The following CENPI variants were observed in gnomAD, a reference collection of about 807,000 sequenced individuals.
The protein encoded by CENPI is FSH primary response 1.
A neutral mutation model predicts 60.4 loss-of-function variants in CENPI; 4 were observed. The observed-to-expected ratio is 0.07, with a 90% confidence interval of 0.03 to 0.15. The LOEUF is 0.15. Ranked by LOEUF, CENPI falls within the 10% of genes least tolerant of loss-of-function variation. The pLI is 1.00. For synonymous variants in CENPI, 157 were observed against 189.4 expected (o/e 0.83, Z 1.40); for missense variants, 444 against 534.5 (o/e 0.83, Z 1.67).
chrX:101,148,136 G>A lies in CENPI; in HGVS notation c.2069G>A (p.Ser690Asn). Residue 690 changes from serine (S) to asparagine (N), a missense_variant, in exon 20 of 22, where the codon AGT becomes AAT. Transcript: ENST00000682095. ...LNVVHHPSFLSYAVSFLLQES... is the reference protein window; with the variant it reads ...LNVVHHPSFLNYAVSFLLQES... ...GTAGTCCATCATCCTTCTTTCTTGA[G>A]TTACGCTGTTTCCTTTTTGCTACAG... 1 of 1,196,085 alleles carries A rather than the reference G, an allele frequency of 8.4e-7. No homozygotes were observed.
intron 16 of CENPI, chrX:101,141,443 G>A (rs2089914156): frequency 9.0e-6 from 1 of 111,082 alleles, no homozygotes; most frequent in Non-Finnish European, 1.9e-5. Flanking sequence ...AGCTTCAAAT[G>A]ATTCTTCTGC....
rs948116234 is a variant in CENPI at position 101,107,203 on chromosome X, A to G, written c.365-2270A>G. 2.4e-4 allele frequency among the ~76,000 whole-genome samples: 26 copies of G among 110,521 alleles called. 1 individual carries two copies. The highest frequency in any genetic ancestry group is 8.5e-4 in the African/African-American group (26 of 30,436). On this transcript the variant is annotated intron_variant, in intron 4 of 21. Coordinates refer to ENST00000682095, the MANE Select transcript of CENPI (RefSeq NM_001386188.2). Reference sequence around the variant, plus strand: ...CTGGTTCACATTCTCTCATGAACAAATACATTCTTAAATGTAACACCTCAT... The same window carrying G: ...CTGGTTCACATTCTCTCATGAACAAGTACATTCTTAAATGTAACACCTCAT...
chrX:101,114,505 C>T (rs2089594783), intron 6 of CENPI, among the ~76,000 whole-genome samples: 1 of 112,094 alleles, frequency 8.9e-6, no homozygotes, highest in African/African-American at 3.2e-5. Flanking sequence ...AACCCCTAAT[C>T]TAATTTTCTG....
At chrX:101,128,068 C>T (rs1256493497) in intron 11 of CENPI, among the ~76,000 whole-genome samples, 1 of 111,231 alleles carries the variant, frequency 9.0e-6, no homozygotes, top group Non-Finnish European at 1.9e-5. Context: ...GGCGCGGTGG[C>T]TCACACTTGT....
intron 16 of CENPI, among the ~76,000 whole-genome samples, chrX:101,143,475 A>G (rs1042279041): frequency 1.8e-5 from 2 of 111,819 alleles, no homozygotes; most frequent in Non-Finnish European, 3.8e-5. Context: ...AGATGCCAAA[A>G]ATTTTGCTAA....
intron 13 of CENPI, among the ~76,000 whole-genome samples, chrX:101,130,587 G>A (rs1410510516): frequency 1.8e-5 from 2 of 112,528 alleles, no homozygotes; most frequent in Non-Finnish European, 3.7e-5. Context: ...GCAAATAAAA[G>A]GGAAAAGCCT....
At position 101,163,080 on chromosome X, in the gene CENPI, A is replaced by C; in HGVS notation, c.*113A>C. The C allele has an allele frequency of 1.3e-6, 1 of 783,774 alleles. No homozygotes were observed. The highest frequency in any genetic ancestry group is 1.9e-6 in the Non-Finnish European group (1 of 533,068). The allele number at this position is 783,774 out of a possible 1,213,427, so 64.6% of individuals were successfully genotyped here. A position where few individuals can be genotyped will look rare whatever the true frequency, so the allele number is the denominator to read the frequency against. On this transcript the variant is annotated 3_prime_UTR_variant, in exon 22 of 22. Transcript: ENST00000682095. ...TTTCACTGACAGACTGCCATCCTCA[A>C]GGAGTACTCAGACTGGCCTTCTGTT...
At chrX:101,117,278 G>A (rs1397320686) in intron 6 of CENPI, among the ~76,000 whole-genome samples, 20 of 111,505 alleles carry the variant, frequency 1.8e-4, no homozygotes, top group African/African-American at 6.2e-4. Context: ...TTGGCTCATC[G>A]CAACCTCTGC....
At chrX:101,107,232 A>T (rs1162094190) in intron 4 of CENPI, among the ~76,000 whole-genome samples, 6 of 110,753 alleles carry the variant, frequency 5.4e-5, no homozygotes, top group African/African-American at 2.0e-4. Flanking sequence ...ACCTCATGCA[A>T]AGTGTCCGTC....
At chrX:101,162,767 G>A (rs2090122903) in intron 21 of CENPI, 66 bp from the exon 22 acceptor site, 2 of 1,133,566 alleles carry the variant, frequency 1.8e-6, no homozygotes, top group Non-Finnish European at 2.4e-6. Flanking sequence ...TAGGGAAAGA[G>A]GAGGAAATAG....
chrX:101,142,688 T>C (rs914765716), intron 16 of CENPI, among the ~76,000 whole-genome samples: 3 of 111,477 alleles, frequency 2.7e-5, no homozygotes, highest in African/African-American at 9.8e-5. Flanking sequence ...TCATCCAAAA[T>C]GCCGATAGTG....
chrX:101,101,926 G>T (rs941143320), intron 3 of CENPI, among the ~76,000 whole-genome samples: 1 of 112,749 alleles, frequency 8.9e-6, no homozygotes, highest in African/African-American at 3.2e-5. Flanking sequence ...TGTTGCCCAG[G>T]CTGGAGTGCA....
intron 4 of CENPI, among the ~76,000 whole-genome samples, chrX:101,104,829 A>G (rs1227370103): frequency 9.3e-6 from 1 of 107,307 alleles, no homozygotes; most frequent in African/African-American, 3.4e-5. Flanking sequence ...AGTGTGGGCC[A>G]CAGAGCAAGA....
chrX:101,108,933 C>CTAT (rs1168030707), intron 4 of CENPI, among the ~76,000 whole-genome samples: 13 of 110,997 alleles, frequency 1.2e-4, no homozygotes, highest in Middle Eastern at 9.3e-3. Flanking sequence ...AGGCATGAGC[C>CTAT]ACTGTGCCTA....
intron 15 of CENPI, among the ~76,000 whole-genome samples, chrX:101,134,946 G>A (rs372465581): frequency 8.2e-5 from 9 of 109,945 alleles, no homozygotes; most frequent in African/African-American, 3.0e-4. Flanking sequence ...CCCGGGAGGT[G>A]GAGGTTGCAG....
intron 20 of CENPI, among the ~76,000 whole-genome samples, chrX:101,148,442 A>G (rs1317986536): frequency 1.8e-5 from 2 of 111,960 alleles, no homozygotes; most frequent in Non-Finnish European, 3.8e-5. Context: ...GTTGTAAGAA[A>G]GATGGGGGAG....
At chrX:101,140,813 A>G (rs2089909132) in intron 16 of CENPI, 53 bp downstream of exon 16, 1 of 871,765 alleles carries the variant, frequency 1.1e-6, no homozygotes, top group Non-Finnish European at 1.7e-6. Flanking sequence ...AAATGTTTGC[A>G]TATGTTTAAT....
At chrX:101,176,132 T>C in the CENPI span, among the ~76,000 whole-genome samples, 1 of 112,234 alleles carries the variant, frequency 8.9e-6, no homozygotes, top group Non-Finnish European at 1.9e-5. Context: ...TATTCTTTTA[T>C]AGATGATAGT....
intron 13 of CENPI, among the ~76,000 whole-genome samples, chrX:101,130,789 G>A (rs2089788212): frequency 9.0e-6 from 1 of 111,573 alleles, no homozygotes; most frequent in Non-Finnish European, 1.9e-5. Context: ...CTGCAGCTTG[G>A]GTATCAGCAC....
Sources: gnomAD v4.1 joint callset for allele counts (sites outside exome capture counted in the v4.1 genomes callset) on GRCh38, gnomAD v4.1.1 for gene constraint, MANE v1.5 for transcripts, NCBI Gene and HGNC (gene_info 2026-07-23, HGNC 2026-07-21) for gene names.